The following PTPRD variants were observed in gnomAD, a reference collection of about 807,000 sequenced individuals.
PTPRD encodes protein tyrosine phosphatase receptor type D, also known as receptor-type tyrosine-protein phosphatase delta.
In PTPRD, 34 loss-of-function variants were observed where a neutral mutation model predicts 214.5. The ratio of observed to expected loss-of-function variants is 0.16; its 90% CI spans 0.12 to 0.21. The LOEUF (loss-of-function observed/expected upper bound fraction) is 0.21, where lower values mean the gene tolerates loss of function less well. Ranked by LOEUF, PTPRD falls within the 10% of genes least tolerant of loss-of-function variation. PTPRD has a pLI of 1.00. For synonymous variants in PTPRD, 1,128 were observed against 845.7 expected (o/e 1.33, Z -5.79); for missense variants, 2,545 against 2,398.7 (o/e 1.06, Z -1.27).
rs537378825 is a variant in PTPRD at position 8,919,816 on chromosome 9, A to G, written c.-104+98881T>C. ...TACATACACATGCAAGTGCACATAC[A>G]TGCACCCATACATGCATACATACGT... On this transcript the variant is annotated intron_variant, in intron 11 of 45. Coordinates refer to ENST00000381196, the MANE Select transcript of PTPRD (RefSeq NM_002839.4). Among the ~76,000 whole-genome samples, 7 of 129,860 alleles carry G rather than the reference A, an allele frequency of 5.4e-5. No homozygotes were observed. The East Asian group carries it at 1.8e-3, about 33-fold the overall frequency. The allele number at this position is 129,860 out of a possible 152,430, so 85.2% of individuals were successfully genotyped here. A position where few individuals can be genotyped will look rare whatever the true frequency, so the allele number is the denominator to read the frequency against.
chr9:9,030,142 T>G (rs2099599895), intron 10 of PTPRD, among the ~76,000 whole-genome samples: 1 of 151,770 alleles, frequency 6.6e-6, no homozygotes, highest in Non-Finnish European at 1.5e-5. Flanking sequence ...TATGAAAGGA[T>G]GTAGATGACA....
chr9:8,968,442 C>T (rs929466551), intron 11 of PTPRD, among the ~76,000 whole-genome samples: 4 of 151,540 alleles, frequency 2.6e-5, no homozygotes, highest in Non-Finnish European at 5.9e-5. Context: ...TTAATGATCG[C>T]CGTTCTAACT....
chr9:10,019,096 C>T (rs528085795), intron 4 of PTPRD, among the ~76,000 whole-genome samples: 78 of 152,056 alleles, frequency 5.1e-4, no homozygotes, highest in Admixed American at 1.7e-3. Context: ...AACAAACAAC[C>T]CCATCAAAAA....
At chr9:10,507,460 T>C (rs990280443) in intron 2 of PTPRD, among the ~76,000 whole-genome samples, 3 of 152,082 alleles carry the variant, frequency 2.0e-5, no homozygotes, top group Admixed American at 1.3e-4. Context: ...TTAAAGATCA[T>C]ATGGAACCAA....
At chr9:9,934,281 GA>G (rs2088174283) in intron 5 of PTPRD, among the ~76,000 whole-genome samples, 1 of 150,814 alleles carries the variant, frequency 6.6e-6, no homozygotes, top group Admixed American at 6.6e-5. Context: ...AAAAATCAAT[GA>G]ATCCAGGAGC....
chr9:9,413,882 C>G (rs2076248198), intron 8 of PTPRD, among the ~76,000 whole-genome samples: 1 of 152,154 alleles, frequency 6.6e-6, no homozygotes, highest in Admixed American at 6.5e-5. Flanking sequence ...AGTGAGTTTG[C>G]CCTTTACATG....
chr9:9,844,866 A>G (rs1369502187), intron 5 of PTPRD, among the ~76,000 whole-genome samples: 1 of 151,472 alleles, frequency 6.6e-6, no homozygotes. Context: ...TTATAAACTG[A>G]AAAACAAATA....
At chr9:10,582,856 G>A (rs112582035) in intron 2 of PTPRD, among the ~76,000 whole-genome samples, 1 of 152,276 alleles carries the variant, frequency 6.6e-6, no homozygotes, top group African/African-American at 2.4e-5. Context: ...AGAAAACTAC[G>A]TCAGGTGACA....
intron 5 of PTPRD, among the ~76,000 whole-genome samples, chr9:9,911,588 C>G (rs994129203): frequency 6.6e-6 from 1 of 150,942 alleles, no homozygotes; most frequent in Non-Finnish European, 1.5e-5. Flanking sequence ...TTCTGGAAAA[C>G]AATTATTTCA....
At chr9:9,526,462 G>A (rs1465882062) in intron 8 of PTPRD, among the ~76,000 whole-genome samples, 1 of 152,012 alleles carries the variant, frequency 6.6e-6, no homozygotes, top group African/African-American at 2.4e-5. Context: ...TTTTATATTC[G>A]CTTCATAAAT....
chr9:9,240,166 G>A (rs951146601), intron 9 of PTPRD, among the ~76,000 whole-genome samples: 4 of 132,444 alleles, frequency 3.0e-5, no homozygotes, highest in African/African-American at 1.1e-4. Context: ...TTTTATAAAA[G>A]ATATCTACTT....
chr9:8,753,875 T>G (rs2093747037), intron 11 of PTPRD, among the ~76,000 whole-genome samples: 1 of 152,220 alleles, frequency 6.6e-6, no homozygotes, highest in South Asian at 2.1e-4. Flanking sequence ...CCAGGCATGG[T>G]GGCTCACGCC....
chr9:9,263,464 A>ATATG (rs960684357), intron 9 of PTPRD, among the ~76,000 whole-genome samples: 6 of 151,730 alleles, frequency 4.0e-5, no homozygotes, highest in African/African-American at 1.4e-4. Flanking sequence ...CATATTGAAC[A>ATATG]GAAAATTACA....
At chr9:10,058,805 T>C (rs1434729093) in intron 3 of PTPRD, among the ~76,000 whole-genome samples, 1 of 152,092 alleles carries the variant, frequency 6.6e-6, no homozygotes, top group African/African-American at 2.4e-5. Flanking sequence ...CACCATTGTT[T>C]TTTTCCAATT....
chr9:9,051,687 AAAG>A (rs749434988), intron 10 of PTPRD, among the ~76,000 whole-genome samples: 2 of 152,212 alleles, frequency 1.3e-5, no homozygotes. Context: ...GGTCATTAAA[AAAG>A]AAGGTTTGAT....
chr9:9,675,248 T>G (rs1460814680), intron 7 of PTPRD, among the ~76,000 whole-genome samples: 1 of 151,886 alleles, frequency 6.6e-6, no homozygotes, highest in Non-Finnish European at 1.5e-5. Flanking sequence ...TGATTTAAAG[T>G]TTTTGTTTGT....
chr9:8,532,001 G>A (rs896649612), intron 14 of PTPRD, among the ~76,000 whole-genome samples: 2 of 151,794 alleles, frequency 1.3e-5, no homozygotes, highest in Non-Finnish European at 2.9e-5. Flanking sequence ...TCATATACAC[G>A]AGTGCACAAC....
intron 9 of PTPRD, among the ~76,000 whole-genome samples, chr9:9,296,191 G>A (rs1006272224): frequency 1.5e-4 from 23 of 151,670 alleles, no homozygotes; most frequent in Middle Eastern, 3.2e-3. Flanking sequence ...TAGACTGCTG[G>A]TTCTGCACCA....
intron 10 of PTPRD, among the ~76,000 whole-genome samples, chr9:9,023,581 G>C (rs898935253): frequency 2.0e-5 from 3 of 151,902 alleles, no homozygotes; most frequent in African/African-American, 7.3e-5. Context: ...TCCATGTGCA[G>C]GTTTGTTACA....
Sources: gnomAD v4.1 joint callset for allele counts (sites outside exome capture counted in the v4.1 genomes callset) on GRCh38, gnomAD v4.1.1 for gene constraint, MANE v1.5 for transcripts, NCBI Gene and HGNC (gene_info 2026-07-23, HGNC 2026-07-21) for gene names.